The following NECTIN4 variants were observed in gnomAD, a reference collection of about 807,000 sequenced individuals.
The protein encoded by NECTIN4 is nectin cell adhesion molecule 4.
Under a neutral mutation model 51.7 loss-of-function variants are expected in NECTIN4, and 19 were observed. The ratio of observed to expected loss-of-function variants is 0.37; its 90% CI spans 0.26 to 0.54. The LOEUF is 0.54. Ranked by LOEUF, NECTIN4 falls within the 20% of genes least tolerant of loss-of-function variation. The pLI is 0.86. For synonymous variants in NECTIN4, 283 were observed against 286.9 expected (o/e 0.99, Z 0.14); for missense variants, 619 against 662.4 (o/e 0.93, Z 0.72).
chr1:161,072,645 G>A lies in NECTIN4; in HGVS notation c.*16C>T, dbSNP rs753245237. 6.2e-7 allele frequency: 1 copy of A among 1,605,096 alleles called. No homozygotes were observed. The highest frequency in any genetic ancestry group is 8.5e-7 in the Non-Finnish European group (1 of 1,171,746). ...AACAGAAGGAGCCAGGCCTAGGGAA[G>A]GGAGGCAGGCCTGGGTCAGACCAGG... On this transcript the variant is annotated 3_prime_UTR_variant, in exon 9 of 9. Coordinates refer to ENST00000368012, the MANE Select transcript of NECTIN4 (RefSeq NM_030916.3).
chr1:161,089,538 G>T lies in NECTIN4; in HGVS notation c.-242C>A, dbSNP rs963779284. 7.2e-6 allele frequency: 4 copies of T among 559,208 alleles called. No homozygotes were observed. In the Admixed American group the frequency reaches 9.0e-5, roughly 13 times the overall value. 34.6% of individuals were successfully genotyped at this position (559,208 alleles called of 1,614,324 possible). On this transcript the variant is annotated 5_prime_UTR_variant, in exon 1 of 9. Transcript: ENST00000368012. This position sits in a 1 kb window ranked among gnomAD's most constrained non-coding sequence, Gnocchi z 4.1. ...GAGCTCCCCCAGAGCTGCTTCCCAC[G>T]CTGTGGCCAACAACGACGGCAGAAA...
At position 161,089,533 on chromosome 1, in the gene NECTIN4, C is replaced by T; in HGVS notation, c.-237G>A. On this transcript the variant is annotated 5_prime_UTR_variant, in exon 1 of 9. Coordinates refer to ENST00000368012, the MANE Select transcript of NECTIN4 (RefSeq NM_030916.3). The surrounding 1 kb of genome is among the most constrained non-coding windows in gnomAD (Gnocchi z 4.1). ...GCTCCGAGCTCCCCCAGAGCTGCTTCCCACGCTGTGGCCAACAACGACGGC... is the reference window on the plus strand; with the variant it reads ...GCTCCGAGCTCCCCCAGAGCTGCTTTCCACGCTGTGGCCAACAACGACGGC... The T allele has an allele frequency of 1.8e-6, 1 of 567,072 alleles. No homozygotes were observed. The highest frequency in any genetic ancestry group is 3.2e-6 in the Non-Finnish European group (1 of 316,424). The allele number at this position is 567,072 out of a possible 1,614,324, so 35.1% of individuals were successfully genotyped here.
Position 161,079,794 on chromosome 1 carries a change from G to C in NECTIN4, c.235C>G (p.Leu79Val). 1 of 1,613,382 alleles carries C rather than the reference G, an allele frequency of 6.2e-7. No homozygotes were observed. Among genetic ancestry groups the C allele is most frequent in the Non-Finnish European group, 8.5e-7 (1 of 1,179,982 alleles). Residue 79 changes from leucine (L) to valine (V), a missense_variant, in exon 2 of 9, where the codon CTA becomes GTA. Physicochemically the swap from Leu to Val is conservative, Grantham distance 32 (BLOSUM62 1). Coordinates refer to ENST00000368012, the MANE Select transcript of NECTIN4 (RefSeq NM_030916.3). ...CCGTATTTGGAGTGCAGTAGCGCTA[G>C]TTCCTGGGCGCCTTCGCCCGCGTCC... ...RVDAGEGAQE[L>V]ALLHSKYGLH...
At chr1:161,075,919 T>C (rs1403697240) in intron 4 of NECTIN4, among the ~76,000 whole-genome samples, 1 of 150,744 alleles carries the variant, frequency 6.6e-6, no homozygotes, top group Non-Finnish European at 1.5e-5. Flanking sequence ...CTACTAAAAA[T>C]ACAAAAATTA....
chr1:161,071,734 A>G lies in NECTIN4; in HGVS notation c.*927T>C, dbSNP rs1053308232. 6.6e-6 allele frequency: 1 copy of G among 152,036 alleles called. No individual in the cohort carries two copies. The highest frequency in any genetic ancestry group is 2.4e-5 in the African/African-American group (1 of 41,464). 9.4% of individuals were successfully genotyped at this position (152,036 alleles called of 1,614,324 possible). A position where few individuals can be genotyped will look rare whatever the true frequency, so the allele number is the denominator to read the frequency against. On this transcript the variant is annotated 3_prime_UTR_variant, in exon 9 of 9. Coordinates refer to ENST00000368012, the MANE Select transcript of NECTIN4 (RefSeq NM_030916.3). ...TTCGTAAAGGATTCAAAGCAGGCAC[A>G]GTGGTGTACACTTAAAGTCCCAGCT... is the stretch of plus-strand genomic sequence containing the variant.
chr1:161,085,072 C>A (rs887546756), intron 1 of NECTIN4: 3 of 152,348 alleles, frequency 2.0e-5, no homozygotes, highest in Non-Finnish European at 4.4e-5. Flanking sequence ...CCACTCTTTG[C>A]CCCATAACCT....
Position 161,079,738 on chromosome 1 carries a change from G to C in NECTIN4, c.291C>G (p.Arg97=). The C allele has an allele frequency of 6.2e-7, 1 of 1,610,358 alleles. No individual in the cohort carries two copies. Among genetic ancestry groups the C allele is most frequent in the Middle Eastern group, 1.7e-4 (1 of 6,058 alleles). The part of the protein sequence containing the change: ...GLHVSPAYEG[R]VEQPPPPRNP... ...TGCGTGGGGGCGGCGGCTGCTCCAC[G>C]CGGCCCTCGTAAGCCGGGCTCACAT... is the stretch of plus-strand genomic sequence containing the variant. Residue 97 remains arginine, a synonymous_variant, in exon 2 of 9, where the codon CGC becomes CGG. Coordinates refer to ENST00000368012, the MANE Select transcript of NECTIN4 (RefSeq NM_030916.3).
chr1:161,082,826 C>T (rs1004192942), intron 1 of NECTIN4, among the ~76,000 whole-genome samples: 18 of 152,164 alleles, frequency 1.2e-4, no homozygotes, highest in African/African-American at 4.3e-4. Context: ...GGATCTCCAG[C>T]ACAACATATC....
At chr1:161,080,473 G>T (rs748893619) in intron 1 of NECTIN4, among the ~76,000 whole-genome samples, 23 of 152,210 alleles carry the variant, frequency 1.5e-4, no homozygotes, top group Non-Finnish European at 2.9e-4. Context: ...CTGGAATGGG[G>T]CACATAGGGT....
In NECTIN4 at chr1:161,074,374, C is replaced by A; in HGVS notation, c.1001-1G>T. Reference sequence around the variant, plus strand: ...TGCTTCCCAGAGTCTTCCTGGGGGTCTGCTGGAGACAGGCCACTGTCTGAG... The same window carrying A: ...TGCTTCCCAGAGTCTTCCTGGGGGTATGCTGGAGACAGGCCACTGTCTGAG... On this transcript the variant is annotated splice_acceptor_variant, in intron 5 of 8. Coordinates refer to ENST00000368012, the MANE Select transcript of NECTIN4 (RefSeq NM_030916.3). LOFTEE classifies it high-confidence loss of function. 1 of 1,613,992 alleles carries A rather than the reference C, an allele frequency of 6.2e-7. No individual in the cohort carries two copies. The highest frequency in any genetic ancestry group is 8.5e-7 in the Non-Finnish European group (1 of 1,179,996).
chr1:161,089,190 G>A lies in NECTIN4; in HGVS notation c.79+28C>T. On this transcript the variant is annotated intron_variant, in intron 1 of 8. Transcript: ENST00000368012. The surrounding 1 kb of genome is among the most constrained non-coding windows in gnomAD (Gnocchi z 4.1). ...AGTGCCAGGTTGGGCTCAGAAGCAAGTGTCCTGATGGTTCAGGCAAGTCCT... is the reference window on the plus strand; with the variant it reads ...AGTGCCAGGTTGGGCTCAGAAGCAAATGTCCTGATGGTTCAGGCAAGTCCT... 6.2e-7 allele frequency: 1 copy of A among 1,609,934 alleles called. No homozygotes were observed. Among genetic ancestry groups the A allele is most frequent in the Non-Finnish European group, 8.5e-7 (1 of 1,177,110 alleles).
intron 3 of NECTIN4, among the ~76,000 whole-genome samples, chr1:161,076,937 G>A (rs1281426530): frequency 6.6e-6 from 1 of 152,186 alleles, no homozygotes; most frequent in African/African-American, 2.4e-5. Flanking sequence ...TCTAGCACTG[G>A]GAAAACAATA....
chr1:161,080,367 A>T (rs1381387204), intron 1 of NECTIN4, among the ~76,000 whole-genome samples: 2 of 152,180 alleles, frequency 1.3e-5, no homozygotes, highest in Non-Finnish European at 2.9e-5. Flanking sequence ...CCATGAACAA[A>T]CTTTCAGAAG....
chr1:161,074,812 C>T (rs1013060515), intron 4 of NECTIN4, 53 bp from the exon 5 acceptor site: 2 of 1,585,246 alleles, frequency 1.3e-6, no homozygotes, highest in Non-Finnish European at 8.6e-7. Flanking sequence ...GAAGCCACCA[C>T]CACCCAACGT....
chr1:161,073,791 C>G lies in NECTIN4; in HGVS notation c.1162G>C (p.Glu388Gln). 1.2e-6 allele frequency: 2 copies of G among 1,613,944 alleles called. No individual in the cohort carries two copies. Among genetic ancestry groups the G allele is most frequent in the Non-Finnish European group, 1.7e-6 (2 of 1,179,844 alleles). The change falls in exon 7 of 9, where the codon GAG (glutamate) becomes CAG (glutamine). Residue 388 changes from glutamate (E) to glutamine (Q), a missense_variant. Glu to Gln is a conservative substitution (Grantham distance 29). Around this residue, in one of 3 missense-constraint regions of NECTIN4, gnomAD observed 364 missense variants for 415.7 expected, o/e 0.88. Transcript: ENST00000368012. ...TTCTCCCTGGTCAGGGTCAGCTCCT[C>G]CTCACTGGGAAAGACACACCCTTGT... ...KAQQMTQKYE[E>Q]ELTLTRENSI...
rs1571167131 is a variant in NECTIN4, at chr1:161,089,155, C to T, written c.79+63G>A. On this transcript the variant is annotated intron_variant, in intron 1 of 8. Coordinates refer to ENST00000368012, the MANE Select transcript of NECTIN4 (RefSeq NM_030916.3). The surrounding 1 kb of genome is among the most constrained non-coding windows in gnomAD (Gnocchi z 4.1). ...GTGCGTGTGTGTCTATGTGTTTGTGCATGTGTGTCAGTGCCAGGTTGGGCT... is the reference window on the plus strand; with the variant it reads ...GTGCGTGTGTGTCTATGTGTTTGTGTATGTGTGTCAGTGCCAGGTTGGGCT... 1.4e-5 allele frequency: 20 copies of T among 1,412,684 alleles called. No homozygotes were observed. In the East Asian group the frequency reaches 4.1e-4, roughly 29 times the overall value. The allele number at this position is 1,412,684 out of a possible 1,614,324, so 87.5% of individuals were successfully genotyped here.
intron 7 of NECTIN4, among the ~76,000 whole-genome samples, 171 bp from the exon 8 acceptor site, chr1:161,073,470 A>C (rs961567570): frequency 6.6e-6 from 1 of 151,968 alleles, no homozygotes; most frequent in African/African-American, 2.4e-5. Context: ...CCACAAACCC[A>C]CCCTGGAAGC....
intron 7 of NECTIN4, 80 bp from the exon 8 acceptor site, chr1:161,073,379 G>T: frequency 8.3e-7 from 1 of 1,200,634 alleles, no homozygotes; most frequent in South Asian, 1.3e-5. Context: ...TCCTCCACCA[G>T]CCTCCTCCCT....
chr1:161,073,381 C>T, intron 7 of NECTIN4, 82 bp from the exon 8 acceptor site: 1 of 1,161,468 alleles, frequency 8.6e-7, no homozygotes. Flanking sequence ...CTCCACCAGC[C>T]TCCTCCCTAC....
Sources: allele counts gnomAD v4.1 joint callset (sites outside exome capture counted in the v4.1 genomes callset), GRCh38; gene constraint gnomAD v4.1.1; regional missense constraint gnomAD v4.1.1; non-coding constraint Gnocchi (gnomAD v3.1); transcripts MANE v1.5; gene names NCBI Gene and HGNC (gene_info 2026-07-23, HGNC 2026-07-21).